Variants in WWOX observed in about 807,000 individuals in gnomAD.
WWOX encodes WW domain containing oxidoreductase, also known as WW domain-containing oxidoreductase.
A neutral mutation model predicts 46.2 loss-of-function variants in WWOX; 69 were observed. The observed-to-expected ratio is 1.49, with a 90% CI of 1.23 to 1.82. The LOEUF (loss-of-function observed/expected upper bound fraction) is 1.82. WWOX is among the 40% of genes most tolerant of loss of function. WWOX has a pLI of 0.00. For missense variants in WWOX, 919 were observed against 542.6 expected (o/e 1.69, Z -6.89); for synonymous variants, 359 against 202.6 (o/e 1.77, Z -6.56).
chr16:78,126,713 A>G (rs976270989), intron 4 of WWOX, among the ~76,000 whole-genome samples: 5 of 152,200 alleles, frequency 3.3e-5, no homozygotes, highest in Non-Finnish European at 7.3e-5. Context: ...TTTTAAGCAC[A>G]CATCTTGTCT....
At chr16:78,954,877 G>C (rs2046133347) in intron 8 of WWOX, among the ~76,000 whole-genome samples, 1 of 152,076 alleles carries the variant, frequency 6.6e-6, no homozygotes, top group Non-Finnish European at 1.5e-5. Flanking sequence ...CCAGTCTTGA[G>C]CTCCTGGACT....
intron 8 of WWOX, among the ~76,000 whole-genome samples, chr16:78,614,941 G>C (rs2045984927): frequency 6.6e-6 from 1 of 152,050 alleles, no homozygotes; most frequent in Non-Finnish European, 1.5e-5. Flanking sequence ...TCTTTGTGAT[G>C]CTTGCTTTAA....
intron 8 of WWOX, among the ~76,000 whole-genome samples, chr16:78,978,888 G>T (rs987483209): frequency 1.3e-5 from 2 of 152,058 alleles, no homozygotes; most frequent in Admixed American, 1.3e-4. Context: ...TTTCGGCGGG[G>T]ACACAGATCC....
intron 8 of WWOX, among the ~76,000 whole-genome samples, chr16:78,858,954 C>T (rs577402310): frequency 3.0e-5 from 4 of 134,022 alleles, no homozygotes; most frequent in African/African-American, 1.2e-4. Context: ...GCTGGGATTA[C>T]AGGTGTGAGC....
intron 5 of WWOX, chr16:78,269,165 A>G (rs987204318): frequency 6.6e-6 from 1 of 152,228 alleles, no homozygotes; most frequent in African/African-American, 2.4e-5. Flanking sequence ...TAAAGTATGT[A>G]TATCCAAGTG....
chr16:78,488,037 C>T (rs1364240082), intron 8 of WWOX, among the ~76,000 whole-genome samples: 2 of 152,162 alleles, frequency 1.3e-5, no homozygotes, highest in Admixed American at 6.6e-5. Context: ...ACTGGGACCT[C>T]TTCTCTCTCA....
At chr16:78,407,563 A>G (rs2082576459) in intron 6 of WWOX, among the ~76,000 whole-genome samples, 1 of 151,834 alleles carries the variant, frequency 6.6e-6, no homozygotes, top group African/African-American at 2.4e-5. Flanking sequence ...CTGCTCCTAG[A>G]CTCTTTAAAG....
Position 79,196,101 on chromosome 16 carries a change from G to C in WWOX, c.1057-15507G>C, listed in dbSNP as rs115467644. On this transcript the variant is annotated intron_variant, in intron 8 of 8. Coordinates refer to ENST00000566780, the MANE Select transcript of WWOX (RefSeq NM_016373.4). ...AAGTACCAAAGCCAAAAGTAGCTTC[G>C]AGGTTTGGCACCTCTGATAAAGTTA... is the stretch of plus-strand genomic sequence containing the variant. 3.3e-3 allele frequency among the ~76,000 whole-genome samples: 498 copies of C among 152,308 alleles called. 1 individual carries two copies. The highest frequency in any genetic ancestry group is 0.011 in the African/African-American group (472 of 41,556).
At chr16:79,040,541 G>T (rs1380370271) in intron 8 of WWOX, among the ~76,000 whole-genome samples, 2 of 152,138 alleles carry the variant, frequency 1.3e-5, no homozygotes, top group Admixed American at 1.3e-4. Flanking sequence ...CCCACAAAGT[G>T]CTGGGCTTAC....
intron 8 of WWOX, among the ~76,000 whole-genome samples, chr16:78,833,162 C>G (rs1351791391): frequency 1.3e-5 from 2 of 152,054 alleles, no homozygotes; most frequent in African/African-American, 4.8e-5. Flanking sequence ...CAGCCTCTGC[C>G]TGCCAAGTAT....
intron 8 of WWOX, among the ~76,000 whole-genome samples, chr16:79,167,921 G>GT (rs746974296): frequency 3.3e-5 from 5 of 152,044 alleles, no homozygotes; most frequent in African/African-American, 7.2e-5. Context: ...CAACTTCTCT[G>GT]CTTTTGGTCT....
At chr16:78,784,613 G>C (rs1353844322) in intron 8 of WWOX, among the ~76,000 whole-genome samples, 3 of 152,194 alleles carry the variant, frequency 2.0e-5, no homozygotes, top group African/African-American at 7.2e-5. Context: ...GATTAAATGA[G>C]ATAATAGATA....
intron 8 of WWOX, among the ~76,000 whole-genome samples, chr16:79,019,864 A>G (rs560872195): frequency 6.6e-6 from 1 of 152,328 alleles, no homozygotes; most frequent in African/African-American, 2.4e-5. Flanking sequence ...AGGCTAGTTA[A>G]GCAACCCCTC....
chr16:78,409,121 C>G (rs2082614718), intron 6 of WWOX, among the ~76,000 whole-genome samples: 1 of 151,834 alleles, frequency 6.6e-6, no homozygotes, highest in Admixed American at 6.6e-5. Context: ...AGATTATTCA[C>G]AGATGTATAC....
At chr16:78,185,173 A>G (rs1270797737) in intron 5 of WWOX, among the ~76,000 whole-genome samples, 1 of 152,200 alleles carries the variant, frequency 6.6e-6, no homozygotes, top group Non-Finnish European at 1.5e-5. Context: ...CAAACCCACC[A>G]TATGTGCATA....
chr16:78,796,771 G>T lies in WWOX; in HGVS notation c.1056+364019G>T, dbSNP rs992263314. On this transcript the variant is annotated intron_variant, in intron 8 of 8. Coordinates refer to ENST00000566780, the MANE Select transcript of WWOX (RefSeq NM_016373.4). ...AACGGCCATCCAGCCACTCATTGCT[G>T]TGTGAGCTCTGGCTGGTCAGTAAGA... 4.0e-5 allele frequency among the ~76,000 whole-genome samples: 6 copies of T among 151,888 alleles called. No individual in the cohort carries two copies. The East Asian group carries it at 5.8e-4, about 15-fold the overall frequency.
intron 5 of WWOX, among the ~76,000 whole-genome samples, chr16:78,319,886 G>T (rs1567498098): frequency 6.6e-6 from 1 of 152,048 alleles, no homozygotes; most frequent in East Asian, 1.9e-4. Context: ...TGCCTGGGAG[G>T]CACTTTTTCC....
chr16:78,573,481 A>G (rs539296453), intron 8 of WWOX, among the ~76,000 whole-genome samples: 9 of 152,292 alleles, frequency 5.9e-5, no homozygotes, highest in African/African-American at 1.2e-4. Flanking sequence ...ATTCCATTCT[A>G]TATGTCAGAT....
At chr16:79,049,356 T>C (rs2048123954) in intron 8 of WWOX, among the ~76,000 whole-genome samples, 1 of 152,126 alleles carries the variant, frequency 6.6e-6, no homozygotes, top group South Asian at 2.1e-4. Flanking sequence ...ACACAGGGGA[T>C]TTATTCGGCA....
Sources: gnomAD v4.1 joint callset for allele counts (sites outside exome capture counted in the v4.1 genomes callset) on GRCh38, gnomAD v4.1.1 for gene constraint, MANE v1.5 for transcripts, NCBI Gene and HGNC (gene_info 2026-07-23, HGNC 2026-07-21) for gene names.